Variants in CHD1L observed in about 807,000 individuals in gnomAD.
CHD1L encodes the protein chromodomain helicase DNA binding protein 1 like.
In CHD1L, 118 loss-of-function variants were observed where a neutral mutation model predicts 115.9. The observed-to-expected ratio is 1.02, with a 90% CI of 0.88 to 1.19. The LOEUF (loss-of-function observed/expected upper bound fraction) is 1.19. Among genes scored for constraint, CHD1L ranks in the 50% most tolerant of loss-of-function variants. The pLI, the probability that CHD1L is intolerant of heterozygous loss-of-function variation, is 0.00. For missense variants in CHD1L, 1,179 were observed against 1,065.3 expected, an observed-to-expected ratio of 1.11 and a Z score of -1.49; for synonymous variants, 411 against 387.1, an observed-to-expected ratio of 1.06 and a Z score of -0.72.
chr1:147,282,382 C>T (rs1381254945), intron 15 of CHD1L, among the ~76,000 whole-genome samples: 2 of 152,164 alleles, frequency 1.3e-5, no homozygotes, highest in African/African-American at 4.8e-5. Context: ...GGGTGCAGAT[C>T]TTCTCTCAAT....
At chr1:147,239,426 C>CT (rs1664700386), upstream of CHD1L, among the ~76,000 whole-genome samples, 1 of 152,166 alleles carries the variant, frequency 6.6e-6, no homozygotes, top group Non-Finnish European at 1.5e-5. Context: ...TGAACCCAAC[C>CT]TTTGCTTCTT....
At chr1:147,291,674 A>G (rs1553970676) in intron 20 of CHD1L, 122 bp downstream of exon 20, 5 of 738,578 alleles carry the variant, frequency 6.8e-6, no homozygotes, top group Non-Finnish European at 1.2e-5. Context: ...GCCATAACAA[A>G]AAGACACAGA....
the CHD1L span, chr1:147,190,272 T>G: frequency 7.7e-5 from 110 of 1,436,892 alleles, 3 homozygotes; most frequent in South Asian, 1.1e-3. Context: ...ATTAACATTT[T>G]AACTGTAAAA....
intron 6 of CHD1L, among the ~76,000 whole-genome samples, chr1:147,262,395 TACAA>T (rs1465784575): frequency 6.6e-6 from 1 of 152,138 alleles, no homozygotes; most frequent in Non-Finnish European, 1.5e-5. Context: ...AAATACTATT[TACAA>T]ACAGAGATGG....
chr1:147,240,431 T>C (rs1020686797), upstream of CHD1L, among the ~76,000 whole-genome samples: 4 of 152,178 alleles, frequency 2.6e-5, no homozygotes, highest in Non-Finnish European at 5.9e-5. Flanking sequence ...CCAGTTATTG[T>C]CCAAGGTTTC....
chr1:147,256,333 A>C (rs782523825), intron 4 of CHD1L, among the ~76,000 whole-genome samples, 198 bp from the exon 5 acceptor site: 9 of 150,844 alleles, frequency 6.0e-5, no homozygotes, highest in Non-Finnish European at 8.9e-5. Flanking sequence ...TGTGCCACTG[A>C]CCTTCCACTT....
chr1:147,222,526 GA>G, the CHD1L span, among the ~76,000 whole-genome samples: 2 of 152,154 alleles, frequency 1.3e-5, no homozygotes, highest in Non-Finnish European at 2.9e-5. Flanking sequence ...AAATCCCATG[GA>G]ATAGAAACTC....
chr1:147,262,746 T>A (rs1672411363), intron 6 of CHD1L, among the ~76,000 whole-genome samples: 1 of 151,660 alleles, frequency 6.6e-6, no homozygotes, highest in South Asian at 2.1e-4. Context: ...AAAAAAATTG[T>A]TTACATCTGT....
At chr1:147,190,202 T>G in the CHD1L span, 1 of 1,611,722 alleles carries the variant, frequency 6.2e-7, no homozygotes, top group African/African-American at 1.3e-5. Flanking sequence ...TCTTGAGCTT[T>G]AGATATTTCT....
At chr1:147,213,455 C>T in the CHD1L span, 6 of 1,608,372 alleles carry the variant, frequency 3.7e-6, no homozygotes, top group South Asian at 1.1e-5. Flanking sequence ...TGCTTCTTCA[C>T]ACTGCACACA....
At chr1:147,229,448 C>A in the CHD1L span, among the ~76,000 whole-genome samples, 18 of 152,108 alleles carry the variant, frequency 1.2e-4, no homozygotes, top group Non-Finnish European at 2.6e-4. Flanking sequence ...AGCGTGATGC[C>A]TCCGGCTTTG....
intron 22 of CHD1L, 122 bp from the exon 23 acceptor site, chr1:147,295,309 C>T (rs184093026): frequency 9.5e-5 from 67 of 702,304 alleles, no homozygotes; most frequent in East Asian, 5.5e-4. Flanking sequence ...TTTATGATAT[C>T]GTGAGAGAAT....
the CHD1L span, among the ~76,000 whole-genome samples, chr1:147,194,469 A>T: frequency 6.6e-6 from 1 of 152,122 alleles, no homozygotes; most frequent in African/African-American, 2.4e-5. Context: ...CCAATTTGCC[A>T]GTCTGTGTAT....
chr1:147,214,155 T>C, the CHD1L span, among the ~76,000 whole-genome samples: 1 of 152,124 alleles, frequency 6.6e-6, no homozygotes, highest in Non-Finnish European at 1.5e-5. Flanking sequence ...CATGGACTAA[T>C]AGAGACACCA....
chr1:147,235,471 C>G, the CHD1L span, among the ~76,000 whole-genome samples: 2 of 152,246 alleles, frequency 1.3e-5, no homozygotes, highest in Middle Eastern at 3.4e-3. Context: ...CAGAAGCACT[C>G]TGATTGTTAA....
rs1222127022 is a variant in CHD1L at position 147,242,717 on chromosome 1, G to C, written c.14G>C (p.Gly5Ala). The C allele has an allele frequency of 1.4e-5, 18 of 1,257,982 alleles. No homozygotes were observed. In the East Asian group the frequency reaches 5.2e-4, roughly 36 times the overall value. The allele number at this position is 1,257,982 out of a possible 1,614,324, so 77.9% of individuals were successfully genotyped here. The change falls in exon 1 of 23, where the codon GGC (glycine) becomes GCC (alanine). Residue 5 changes from glycine to alanine, a missense_variant. By Grantham distance (60) the Gly-to-Ala change is moderately conservative. Transcript: ENST00000369258. Reference sequence around the variant, plus strand: ...TCTACCGGCCCGATGGAGCGCGCGGGCGCTACTAGCCGCGGGGGCCAAGCC... The same window carrying C: ...TCTACCGGCCCGATGGAGCGCGCGGCCGCTACTAGCCGCGGGGGCCAAGCC... MERA[G>A]ATSRGGQAPG...
At chr1:147,187,178 A>T in the CHD1L span, 1 of 1,614,014 alleles carries the variant, frequency 6.2e-7, no homozygotes, top group Admixed American at 1.7e-5. Flanking sequence ...ACCCCCACCA[A>T]ATCAGCAAGC....
At chr1:147,287,919 GTT>G (rs1488030960) in intron 19 of CHD1L, among the ~76,000 whole-genome samples, 186 bp downstream of exon 19, 1 of 152,166 alleles carries the variant, frequency 6.6e-6, no homozygotes, top group African/African-American at 2.4e-5. Flanking sequence ...TTCTGTACCT[GTT>G]TCCTCATCTG....
At chr1:147,211,063 T>G in the CHD1L span, 3 of 152,218 alleles carry the variant, frequency 2.0e-5, no homozygotes, top group African/African-American at 7.2e-5. Context: ...ATTGAGTTTC[T>G]TCAGCTTGGA....
Sources: gnomAD v4.1 joint callset for allele counts (sites outside exome capture counted in the v4.1 genomes callset) on GRCh38, gnomAD v4.1.1 for gene constraint, MANE v1.5 for transcripts, NCBI Gene and HGNC (gene_info 2026-07-23, HGNC 2026-07-21) for gene names.